SPAG7: variants seen among roughly 807,000 people sequenced by gnomAD.
SPAG7 encodes sperm associated antigen 7.
A neutral mutation model predicts 30.6 loss-of-function variants in SPAG7; 20 were observed. The observed-to-expected ratio is 0.65, with a 90% confidence interval of 0.46 to 0.95. The LOEUF is 0.95. SPAG7 is among the 40% of genes least tolerant of loss of function. The pLI is 0.00. For missense variants in SPAG7, 276 were observed against 291.1 expected (o/e 0.95, Z 0.38); for synonymous variants, 127 against 104.2 (o/e 1.22, Z -1.33).
At chr17:4,962,326 C>T (rs955921443) in intron 1 of SPAG7, among the ~76,000 whole-genome samples, 4 of 152,152 alleles carry the variant, frequency 2.6e-5, no homozygotes, top group Admixed American at 2.6e-4. Flanking sequence ...GTTGGCCAGG[C>T]TGGTCTTGAA....
At chr17:4,966,582 T>C (rs1597715677) in intron 1 of SPAG7, 1 of 985,188 alleles carries the variant, frequency 1.0e-6, no homozygotes, top group South Asian at 4.7e-5. Context: ...GCTTTGCTTC[T>C]CTCTCTCATT....
Position 4,959,241 on chromosome 17 carries a change from T to C in SPAG7, c.*293A>G. On this transcript the variant is annotated 3_prime_UTR_variant, in exon 7 of 7. Transcript: ENST00000206020. ...AACCAGGACATTGGGTTAAACAGTA[T>C]TTATTGAATGTAAAGTACCCCAGCC... 1 of 495,162 alleles carries C rather than the reference T, an allele frequency of 2.0e-6. No homozygotes were observed. The allele number at this position is 495,162 out of a possible 1,614,324, so 30.7% of individuals were successfully genotyped here. A position where few individuals can be genotyped will look rare whatever the true frequency, so the allele number is the denominator to read the frequency against.
intron 1 of SPAG7, among the ~76,000 whole-genome samples, chr17:4,965,208 C>T (rs112411283): frequency 7.2e-5 from 11 of 152,080 alleles, no homozygotes; most frequent in Admixed American, 2.6e-4. Flanking sequence ...CCACCACGCC[C>T]GCCCATTTTT....
At chr17:4,965,505 G>T (rs1971934529) in intron 1 of SPAG7, among the ~76,000 whole-genome samples, 1 of 151,918 alleles carries the variant, frequency 6.6e-6, no homozygotes, top group African/African-American at 2.4e-5. Flanking sequence ...GAGAACTAAC[G>T]TATCATAACT....
In SPAG7 at chr17:4,960,003, G is replaced by A; in HGVS notation, c.417+19C>T. The A allele has an allele frequency of 4.3e-6, 7 of 1,613,782 alleles. No homozygotes were observed. The highest frequency in any genetic ancestry group is 5.9e-6 in the Non-Finnish European group (7 of 1,179,818). ...GGTGGTGGGCTTCTGGACCCCAAGG[G>A]CTGCAAAGCATAGCTCACCTTCAGC... is the stretch of plus-strand genomic sequence containing the variant. On this transcript the variant is annotated intron_variant, in intron 5 of 6. Coordinates refer to ENST00000206020, the MANE Select transcript of SPAG7 (RefSeq NM_004890.3).
intron 1 of SPAG7, 114 bp downstream of exon 1, chr17:4,967,606 G>T: frequency 2.5e-6 from 2 of 800,854 alleles, no homozygotes; most frequent in Non-Finnish European, 4.3e-6. Flanking sequence ...GAGGGTCTCG[G>T]AAGGGGCCTG....
rs1597710169 is a variant in SPAG7 at position 4,959,747 on chromosome 17, A to G, written c.574+13T>C. On this transcript the variant is annotated intron_variant, in intron 6 of 6. Coordinates refer to ENST00000206020, the MANE Select transcript of SPAG7 (RefSeq NM_004890.3). Reference sequence around the variant, plus strand: ...TCCTCTCCCAGCCACCCCCAGCCGCACTGTGGCCTCACCACAGCCGTAGGT... The same window carrying G: ...TCCTCTCCCAGCCACCCCCAGCCGCGCTGTGGCCTCACCACAGCCGTAGGT... 1.9e-6 allele frequency: 3 copies of G among 1,613,998 alleles called. No homozygotes were observed. Among genetic ancestry groups the G allele is most frequent in the South Asian group, 1.1e-5 (1 of 91,068 alleles).
intron 1 of SPAG7, among the ~76,000 whole-genome samples, chr17:4,961,904 C>T (rs1971870433): frequency 6.6e-6 from 1 of 152,046 alleles, no homozygotes. Flanking sequence ...TTCTGGACTG[C>T]AGGTAACTAA....
chr17:4,959,878 C>T lies in SPAG7; in HGVS notation c.456G>A (p.Gln152=). 6.2e-7 allele frequency: 1 copy of T among 1,613,844 alleles called. No homozygotes were observed. Among genetic ancestry groups the T allele is most frequent in the East Asian group, 2.2e-5 (1 of 44,884 alleles). ...AQRQEEEAAQ[Q]GPVVVSPASD... ...TGGCAGGGCTCACCACCACAGGCCC[C>T]TGCTGGGCTGCCTCCTCCTCTTGCC... The change falls in exon 6 of 7, where the codon CAG becomes CAA. Residue 152 remains glutamine, a synonymous_variant. Coordinates refer to ENST00000206020, the MANE Select transcript of SPAG7 (RefSeq NM_004890.3).
At position 4,959,459 on chromosome 17, in the gene SPAG7, G is replaced by T. The variant is rs1452204153; in HGVS notation, c.*75C>A. 4.2e-6 allele frequency: 5 copies of T among 1,200,698 alleles called. No homozygotes were observed. The Admixed American group carries it at 8.7e-5, about 21-fold the overall frequency. The allele number at this position is 1,200,698 out of a possible 1,614,324, so 74.4% of individuals were successfully genotyped here. ...GTTCAGAGGTGGGGCTCCAGGATGG[G>T]CTCTAATAGCAGCAGCCTTGTCTCT... On this transcript the variant is annotated 3_prime_UTR_variant, in exon 7 of 7. Coordinates refer to ENST00000206020, the MANE Select transcript of SPAG7 (RefSeq NM_004890.3).
rs1326081920 is a variant in SPAG7 at position 4,960,464 on chromosome 17, G to A, written c.237C>T (p.Ser79=). The A allele has an allele frequency of 1.9e-6, 3 of 1,607,504 alleles. No homozygotes were observed. The highest frequency in any genetic ancestry group is 1.1e-5 in the South Asian group (1 of 90,428). ...CCCAGCCCAGGGACACTCACAGTAT[G>A]CTCCTCTCGATCTTGTTCATTGGCT... ...KFQPMNKIER[S]ILHDVVEVAG... Residue 79 remains serine (S), a synonymous_variant, in exon 3 of 7, where the codon AGC becomes AGT. Transcript: ENST00000206020.
At position 4,959,892 on chromosome 17, in the gene SPAG7, C is replaced by G; in HGVS notation, c.442G>C (p.Glu148Gln). 6.2e-7 allele frequency: 1 copy of G among 1,613,622 alleles called. No individual in the cohort carries two copies. Among genetic ancestry groups the G allele is most frequent in the Non-Finnish European group, 8.5e-7 (1 of 1,180,002 alleles). The change falls in exon 6 of 7, where the codon GAG becomes CAG. Residue 148 changes from glutamate (E) to glutamine (Q), a missense_variant. Physicochemically the swap from Glu to Gln is conservative, Grantham distance 29. Transcript: ENST00000206020. ...LKELAQRQEE[E>Q]AAQQGPVVVS... ...ACCACAGGCCCCTGCTGGGCTGCCT[C>G]CTCCTCTTGCCTCTGGGCCAGCTCC...
intron 2 of SPAG7, 107 bp from the exon 3 acceptor site, chr17:4,960,654 C>T (rs1240658310): frequency 2.2e-5 from 30 of 1,346,118 alleles, no homozygotes; most frequent in Non-Finnish European, 3.2e-5. Context: ...CCCTCCCCAG[C>T]CTCCAAGCCA....
Position 4,960,104 on chromosome 17 carries a change from G to A in SPAG7, c.335C>T (p.Ala112Val). ...RYVMIFKKEF[A>V]PSDEELDSYR... is the part of the protein sequence containing the mutation. ...AGAGTCTAGCTCTTCATCTGAGGGT[G>A]CAAACTCCTGAAGAAGAGCAGAATG... Residue 112 changes from alanine (A) to valine (V), a missense_variant, in exon 5 of 7, where the codon GCA (alanine) becomes GTA (valine). Coordinates refer to ENST00000206020, the MANE Select transcript of SPAG7 (RefSeq NM_004890.3). The A allele has an allele frequency of 6.2e-7, 1 of 1,613,172 alleles. No individual in the cohort carries two copies. The highest frequency in any genetic ancestry group is 8.5e-7 in the Non-Finnish European group (1 of 1,179,090).
intron 1 of SPAG7, among the ~76,000 whole-genome samples, chr17:4,962,669 G>A (rs925538259): frequency 1.4e-4 from 21 of 151,882 alleles, no homozygotes; most frequent in Non-Finnish European, 2.2e-4. Context: ...TTTTTGAGAC[G>A]GAGTCTCACT....
rs3064917 is a variant in SPAG7, at chr17:4,959,350, CAT to C, written c.*182_*183del. The C allele has an allele frequency of 0.051, 30,802 of 603,836 alleles. 732 individuals are homozygous for C. Among genetic ancestry groups the C allele is most frequent in the Non-Finnish European group, 0.061 (20,684 of 338,546 alleles). 37.4% of individuals were successfully genotyped at this position (603,836 alleles called of 1,614,324 possible). ...ATTCACACTCTCACACACACACACA[CAT>C]GCCACGCACATATCCAAGCTCCAAC... On this transcript the variant is annotated 3_prime_UTR_variant, in exon 7 of 7. Coordinates refer to ENST00000206020, the MANE Select transcript of SPAG7 (RefSeq NM_004890.3).
chr17:4,963,026 C>CA (rs1202111116), intron 1 of SPAG7, among the ~76,000 whole-genome samples: 1 of 151,974 alleles, frequency 6.6e-6, no homozygotes, highest in Non-Finnish European at 1.5e-5. Context: ...CTTGACCTTC[C>CA]AAAGTGCTGG....
At chr17:4,964,314 G>A (rs1451588443) in intron 1 of SPAG7, among the ~76,000 whole-genome samples, 1 of 149,686 alleles carries the variant, frequency 6.7e-6, no homozygotes, top group East Asian at 2.0e-4. Flanking sequence ...CTGCTCCTCA[G>A]CCTGAAATTT....
intron 1 of SPAG7, among the ~76,000 whole-genome samples, chr17:4,961,828 G>A (rs1035201020): frequency 6.6e-6 from 1 of 150,562 alleles, no homozygotes; most frequent in Non-Finnish European, 1.5e-5. Context: ...TTATAACAAT[G>A]TACTGAAATA....
Sources: allele counts gnomAD v4.1 joint callset (sites outside exome capture counted in the v4.1 genomes callset), GRCh38; gene constraint gnomAD v4.1.1; transcripts MANE v1.5; gene names NCBI Gene and HGNC (gene_info 2026-07-23, HGNC 2026-07-21).